SUPT3H: variants seen among roughly 807,000 people sequenced by gnomAD.
The protein encoded by SUPT3H is SPT3 homolog, SAGA and STAGA complex component.
SUPT3H carries 44 observed loss-of-function variants against 44.3 expected under a neutral mutation model. That is an observed-to-expected ratio of 0.99 (90% CI 0.78 to 1.28). SUPT3H has a LOEUF of 1.28. Among genes scored for constraint, SUPT3H ranks in the 50% most tolerant of loss-of-function variants. The pLI, the probability that SUPT3H is intolerant of heterozygous loss-of-function variation, is 0.00. For missense variants in SUPT3H, 380 were observed against 387.1 expected (o/e 0.98, Z 0.15); for synonymous variants, 124 against 125.6 (o/e 0.99, Z 0.09).
intron 6 of SUPT3H, among the ~76,000 whole-genome samples, chr6:44,963,153 C>G (rs563547734): frequency 6.6e-6 from 1 of 151,690 alleles, no homozygotes; most frequent in Non-Finnish European, 1.5e-5. Flanking sequence ...TATACACAAA[C>G]ACACATATAT....
At chr6:45,050,995 C>T (rs1790208618) in intron 3 of SUPT3H, among the ~76,000 whole-genome samples, 1 of 150,592 alleles carries the variant, frequency 6.6e-6, no homozygotes, top group Non-Finnish European at 1.5e-5. Context: ...TGCCATTCTC[C>T]TGACTCAGCC....
chr6:44,951,536 G>A (rs899845313), intron 9 of SUPT3H, among the ~76,000 whole-genome samples: 1 of 152,086 alleles, frequency 6.6e-6, no homozygotes, highest in Non-Finnish European at 1.5e-5. Flanking sequence ...GGGGAGGGGT[G>A]TCTGCCAGCC....
At chr6:44,821,271 A>G (rs1328764551) in intron 11 of SUPT3H, among the ~76,000 whole-genome samples, 1 of 152,196 alleles carries the variant, frequency 6.6e-6, no homozygotes, top group Non-Finnish European at 1.5e-5. Context: ...GCTAACATCC[A>G]TCTACTTCGT....
chr6:45,104,218 G>A (rs563399176), intron 3 of SUPT3H, among the ~76,000 whole-genome samples: 5 of 151,992 alleles, frequency 3.3e-5, no homozygotes, highest in Non-Finnish European at 5.9e-5. Flanking sequence ...TTCCTTAAAA[G>A]CATTTGACTT....
At chr6:44,920,632 A>G (rs1221263871) in intron 10 of SUPT3H, among the ~76,000 whole-genome samples, 1 of 152,106 alleles carries the variant, frequency 6.6e-6, no homozygotes, top group Non-Finnish European at 1.5e-5. Context: ...GTATAACTAG[A>G]GAAAACACTA....
intron 6 of SUPT3H, among the ~76,000 whole-genome samples, chr6:44,972,686 C>T (rs532436730): frequency 1.6e-4 from 25 of 152,346 alleles, no homozygotes; most frequent in Non-Finnish European, 3.4e-4. Flanking sequence ...GCCTAGACAT[C>T]CAGGTGTTTC....
chr6:44,883,878 G>T (rs1040339794), intron 10 of SUPT3H, among the ~76,000 whole-genome samples: 1 of 152,116 alleles, frequency 6.6e-6, no homozygotes, highest in African/African-American at 2.4e-5. Context: ...ACTCAAGATG[G>T]ATTAAAACTT....
At chr6:45,072,833 T>C (rs113658036) in intron 3 of SUPT3H, among the ~76,000 whole-genome samples, 84 of 152,086 alleles carry the variant, frequency 5.5e-4, no homozygotes, top group Middle Eastern at 3.4e-3. Flanking sequence ...CACTGACACC[T>C]TCTTCAAACT....
At chr6:44,982,701 A>G (rs1023778521) in intron 6 of SUPT3H, among the ~76,000 whole-genome samples, 7 of 152,192 alleles carry the variant, frequency 4.6e-5, no homozygotes, top group African/African-American at 1.4e-4. Context: ...TGCACAGAAG[A>G]ATTTTTTGCT....
chr6:45,265,822 A>G (rs1304128821), intron 2 of SUPT3H, among the ~76,000 whole-genome samples: 1 of 152,082 alleles, frequency 6.6e-6, no homozygotes, highest in Admixed American at 6.6e-5. Context: ...TGTTTGACCA[A>G]TTAATCTCCT....
At chr6:45,264,398 G>A (rs1322831728) in intron 2 of SUPT3H, among the ~76,000 whole-genome samples, 3 of 152,034 alleles carry the variant, frequency 2.0e-5, no homozygotes, top group Non-Finnish European at 4.4e-5. Flanking sequence ...GGTGGCTCAC[G>A]CCTGTAATCC....
intron 2 of SUPT3H, among the ~76,000 whole-genome samples, chr6:45,329,101 A>G (rs183211414): frequency 6.6e-6 from 1 of 152,112 alleles, no homozygotes; most frequent in East Asian, 1.9e-4. Flanking sequence ...ATTAACCCTC[A>G]CCAGAAGAAA....
chr6:44,970,025 T>A (rs1777343271), intron 6 of SUPT3H, among the ~76,000 whole-genome samples: 1 of 152,192 alleles, frequency 6.6e-6, no homozygotes, highest in Non-Finnish European at 1.5e-5. Flanking sequence ...ATATTTGTGC[T>A]ACTATGACAT....
At chr6:44,885,329 A>G (rs1242158420) in intron 10 of SUPT3H, among the ~76,000 whole-genome samples, 1 of 152,144 alleles carries the variant, frequency 6.6e-6, no homozygotes, top group Non-Finnish European at 1.5e-5. Context: ...TGGGTCCCTG[A>G]CACCTGACCC....
downstream of SUPT3H, among the ~76,000 whole-genome samples, chr6:44,822,337 C>CTT (rs1767385277): frequency 6.6e-6 from 1 of 152,260 alleles, no homozygotes; most frequent in Admixed American, 6.5e-5. Flanking sequence ...CTAAATAGAT[C>CTT]TTTATATTTG....
chr6:45,275,427 GTTC>G (rs1211138449), intron 2 of SUPT3H, among the ~76,000 whole-genome samples: 7 of 152,112 alleles, frequency 4.6e-5, no homozygotes, highest in African/African-American at 1.4e-4. Context: ...TCTTAAAAGT[GTTC>G]TTTTTAAAAT....
chr6:45,226,820 C>T (rs1204602085), intron 2 of SUPT3H, among the ~76,000 whole-genome samples: 2 of 151,824 alleles, frequency 1.3e-5, no homozygotes, highest in Non-Finnish European at 1.5e-5. Context: ...TGAGCCACTG[C>T]GCCTGGCCAA....
intron 2 of SUPT3H, among the ~76,000 whole-genome samples, chr6:45,247,951 G>A (rs2153650926): frequency 6.6e-6 from 1 of 152,276 alleles, no homozygotes; most frequent in East Asian, 1.9e-4. Flanking sequence ...TCACAAGGAT[G>A]CAAAGTAATT....
intron 2 of SUPT3H, among the ~76,000 whole-genome samples, chr6:45,177,452 T>C (rs371614843): frequency 9.9e-5 from 15 of 152,172 alleles, no homozygotes; most frequent in African/African-American, 1.7e-4. Flanking sequence ...ATTGGTGTAC[T>C]TGAAAGTGAC....
Sources: gnomAD v4.1 joint callset for allele counts (sites outside exome capture counted in the v4.1 genomes callset) on GRCh38, gnomAD v4.1.1 for gene constraint, MANE v1.5 for transcripts, NCBI Gene and HGNC (gene_info 2026-07-23, HGNC 2026-07-21) for gene names.